The following NCAPG variants were observed in gnomAD, a reference collection of about 807,000 sequenced individuals.
The protein encoded by NCAPG is condensin complex subunit 3.
A neutral mutation model predicts 113.1 loss-of-function variants in NCAPG; 69 were observed. The observed-to-expected ratio is 0.61, with a 90% confidence interval of 0.50 to 0.75. NCAPG has a LOEUF of 0.75. NCAPG is among the 30% of genes least tolerant of loss of function. The pLI is 0.00. For missense variants in NCAPG, 1,058 were observed against 1,177.0 expected (o/e 0.90, Z 1.48); for synonymous variants, 370 against 415.8 (o/e 0.89, Z 1.34).
Position 17,836,302 on chromosome 4 carries a change from G to T in NCAPG, c.2110-857G>T, listed in dbSNP as rs77742582. Among the ~76,000 whole-genome samples the T allele has an allele frequency of 2.2e-4, 34 of 152,218 alleles. No individual in the cohort carries two copies. In the East Asian group the frequency reaches 6.2e-3, roughly 28 times the overall value. On this transcript the variant is annotated intron_variant, in intron 14 of 20. Coordinates refer to ENST00000251496, the MANE Select transcript of NCAPG (RefSeq NM_022346.5). ...GTTCAAGTCCTTTGCCCATTTTTAA[G>T]TTGGGTTGGTTGTCTTTATAGAGTT... is the stretch of plus-strand genomic sequence containing the variant.
intron 5 of NCAPG, among the ~76,000 whole-genome samples, chr4:17,816,799 T>A (rs1721229423): frequency 6.6e-6 from 1 of 152,206 alleles, no homozygotes; most frequent in South Asian, 2.1e-4. Flanking sequence ...ACCATTACAG[T>A]GACTTTTGCA....
chr4:17,829,117 T>C (rs1721772630), intron 12 of NCAPG, among the ~76,000 whole-genome samples: 1 of 152,222 alleles, frequency 6.6e-6, no homozygotes, highest in Non-Finnish European at 1.5e-5. Flanking sequence ...CATCTTAAAC[T>C]GGACTAGTCA....
Position 17,817,954 on chromosome 4 carries a change from G to T in NCAPG, c.984G>T (p.Val328=), listed in dbSNP as rs1413472299. Residue 328 remains valine, a synonymous_variant, in exon 7 of 21, where the codon GTG becomes GTT. Transcript: ENST00000251496. ...KNNDGRKLIP[V]ETLTPEIALY... ...TTAAATGAAGGAAATTGATTCCAGT[G>T]GAAACATTAACTCCTGAAATTGCTT... The T allele has an allele frequency of 2.5e-6, 4 of 1,597,510 alleles. No homozygotes were observed. Among genetic ancestry groups the T allele is most frequent in the Non-Finnish European group, 3.4e-6 (4 of 1,174,758 alleles).
chr4:17,827,646 A>T (rs1721702220), intron 11 of NCAPG, among the ~76,000 whole-genome samples: 1 of 152,092 alleles, frequency 6.6e-6, no homozygotes, highest in Non-Finnish European at 1.5e-5. Flanking sequence ...GGACATGTTG[A>T]GTTTGAGGAA....
At position 17,828,387 on chromosome 4, in the gene NCAPG, T is replaced by A. The variant is rs146620625; in HGVS notation, c.1763T>A (p.Leu588Ter). The change falls in exon 12 of 21, where the codon TTG (leucine) becomes TAG (stop). Residue 588 changes from leucine to a stop codon, truncating the protein, a stop_gained and splice_region_variant. Coordinates refer to ENST00000251496, the MANE Select transcript of NCAPG (RefSeq NM_022346.5). LOFTEE classifies it high-confidence loss of function. ...SATMNGIIES[L>*]ILPGIISIHP... ...ACCATGAATGGAATCATCGAATCTT[T>A]GGTATGTTGATGGCCTCTTGGGCTT... 6.3e-7 allele frequency: 1 copy of A among 1,596,440 alleles called. No individual in the cohort carries two copies. The highest frequency in any genetic ancestry group is 1.3e-5 in the African/African-American group (1 of 74,310).
At chr4:17,843,048 CT>C in intron 20 of NCAPG, 1 of 255,018 alleles carries the variant, frequency 3.9e-6, no homozygotes, top group Non-Finnish European at 7.6e-6. Context: ...AAGTTTGTGG[CT>C]TTTTTTCCTG....
At chr4:17,815,029 ATTC>A (rs1457963101) in intron 4 of NCAPG, 31 bp downstream of exon 4, 1 of 1,611,240 alleles carries the variant, frequency 6.2e-7, no homozygotes, top group Non-Finnish European at 8.5e-7. Context: ...GTGTTGGCAT[ATTC>A]TTAAAGGACA....
At chr4:17,823,187 C>A in intron 8 of NCAPG, 64 bp downstream of exon 8, 2 of 1,441,532 alleles carry the variant, frequency 1.4e-6, no homozygotes, top group Non-Finnish European at 1.9e-6. Flanking sequence ...GAAATATAGT[C>A]CTTTTACAAT....
At chr4:17,830,342 G>A (rs368086287) in intron 12 of NCAPG, among the ~76,000 whole-genome samples, 9 of 151,684 alleles carry the variant, frequency 5.9e-5, no homozygotes, top group African/African-American at 1.9e-4. Flanking sequence ...GCAGTGAGCC[G>A]AGATTGCGCC....
intron 11 of NCAPG, 93 bp downstream of exon 11, chr4:17,825,654 A>C: frequency 8.7e-7 from 1 of 1,153,220 alleles, no homozygotes; most frequent in East Asian, 2.5e-5. Context: ...GCCAAAATAT[A>C]TTTACTTTGA....
At position 17,827,511 on chromosome 4, in the gene NCAPG, G is replaced by A. The variant is rs1039737359; in HGVS notation, c.1654-767G>A. Among the ~76,000 whole-genome samples the A allele has an allele frequency of 2.6e-5, 4 of 152,220 alleles. No homozygotes were observed. The East Asian group carries it at 5.8e-4, about 22-fold the overall frequency. The stretch of plus-strand genomic sequence containing the variant: ...TGAGAGGTATTTAGAAATTAGTAAC[G>A]GAGAAAAGGGAGTCAGGAATGTATC... On this transcript the variant is annotated intron_variant, in intron 11 of 20. Transcript: ENST00000251496.
rs1722002797 is a variant in NCAPG at position 17,834,479 on chromosome 4, G to A, written c.2065G>A (p.Ala689Thr). ...AAAAGAAGTTGAAGAGACTGCTACA[G>A]CTAAGAATGTTCTGAAACTCCTTTC... ...ESKEVEETAT[A>T]KNVLKLLSDF... is the part of the protein sequence containing the mutation. Residue 689 changes from alanine to threonine, a missense_variant, in exon 14 of 21, where the codon GCT (alanine) becomes ACT (threonine). Transcript: ENST00000251496. 1.2e-6 allele frequency: 2 copies of A among 1,603,092 alleles called. No homozygotes were observed. Among genetic ancestry groups the A allele is most frequent in the Non-Finnish European group, 1.7e-6 (2 of 1,174,724 alleles).
chr4:17,815,419 G>C (rs1721162115), intron 5 of NCAPG, 61 bp downstream of exon 5: 2 of 1,276,130 alleles, frequency 1.6e-6, no homozygotes, highest in Non-Finnish European at 2.2e-6. Flanking sequence ...GACTTAACAA[G>C]GTTTAAGAAA....
chr4:17,833,712 A>G (rs1423312274), intron 13 of NCAPG, among the ~76,000 whole-genome samples: 1 of 151,984 alleles, frequency 6.6e-6, no homozygotes, highest in Non-Finnish European at 1.5e-5. Flanking sequence ...AACTTAAGAT[A>G]GACTCATACA....
Position 17,843,508 on chromosome 4 carries a change from GAACA to G in NCAPG, c.*87_*90del. ...GAAGAAGTTACCCTTGTCAAAATCA[GAACA>G]AACCTGATGTCTTTCTGAAGATTTT... is the stretch of plus-strand genomic sequence containing the variant. On this transcript the variant is annotated 3_prime_UTR_variant, in exon 21 of 21. Coordinates refer to ENST00000251496, the MANE Select transcript of NCAPG (RefSeq NM_022346.5). The G allele has an allele frequency of 6.8e-7, 1 of 1,468,632 alleles. No homozygotes were observed. Among genetic ancestry groups the G allele is most frequent in the Non-Finnish European group, 9.3e-7 (1 of 1,072,504 alleles). 91.0% of individuals were successfully genotyped at this position (1,468,632 alleles called of 1,614,324 possible). A position where few individuals can be genotyped will look rare whatever the true frequency, so the allele number is the denominator to read the frequency against.
rs990809361 is a variant in NCAPG at position 17,840,596 on chromosome 4, C to T, written c.2768-11C>T. Reference sequence around the variant, plus strand: ...ATCTTATTTATATTGTTGTATTATTCCCTTTAATAGAAAAGAATAAAGAAG... The same window carrying T: ...ATCTTATTTATATTGTTGTATTATTTCCTTTAATAGAAAAGAATAAAGAAG... On this transcript the variant is annotated splice_polypyrimidine_tract_variant and intron_variant, in intron 18 of 20. Coordinates refer to ENST00000251496, the MANE Select transcript of NCAPG (RefSeq NM_022346.5). 2 of 1,390,818 alleles carry T rather than the reference C, an allele frequency of 1.4e-6. No homozygotes were observed. Among genetic ancestry groups the T allele is most frequent in the Admixed American group, 2.6e-5 (1 of 38,342 alleles). 86.2% of individuals were successfully genotyped at this position (1,390,818 alleles called of 1,614,324 possible).
intron 6 of NCAPG, 74 bp downstream of exon 6, chr4:17,817,527 A>G: frequency 8.6e-7 from 1 of 1,158,186 alleles, no homozygotes; most frequent in Admixed American, 2.2e-5. Flanking sequence ...TTTCCTCCCC[A>G]TAGCTTAAGA....
intron 7 of NCAPG, among the ~76,000 whole-genome samples, chr4:17,822,220 G>T (rs1035447544): frequency 2.2e-5 from 3 of 138,588 alleles, no homozygotes; most frequent in Non-Finnish European, 3.1e-5. Context: ...TTGAGATGGA[G>T]TTTTTCTCTG....
In NCAPG at chr4:17,837,820, TG is replaced by T; in HGVS notation, c.2466+20del. The T allele has an allele frequency of 1.2e-6, 2 of 1,612,902 alleles. No homozygotes were observed. The highest frequency in any genetic ancestry group is 2.2e-5 in the South Asian group (2 of 90,976). On this transcript the variant is annotated intron_variant, in intron 16 of 20. Coordinates refer to ENST00000251496, the MANE Select transcript of NCAPG (RefSeq NM_022346.5). Reference sequence around the variant, plus strand: ...TTATCAGGTGAGTGACTGTGGTAACTGCATGCAGATCACTGTTTTGGTAAAA... The same window carrying T: ...TTATCAGGTGAGTGACTGTGGTAACTCATGCAGATCACTGTTTTGGTAAAA...
Sources: allele counts gnomAD v4.1 joint callset (sites outside exome capture counted in the v4.1 genomes callset), GRCh38; gene constraint gnomAD v4.1.1; transcripts MANE v1.5; gene names NCBI Gene and HGNC (gene_info 2026-07-23, HGNC 2026-07-21).